Variants in GALNT10 observed in about 807,000 individuals in gnomAD.
The protein encoded by GALNT10 is polypeptide N-acetylgalactosaminyltransferase 10, also known as GalNAc transferase 10.
In GALNT10, 41 loss-of-function variants were observed where a neutral mutation model predicts 75.0. That is an observed-to-expected ratio of 0.55 (90% CI 0.43 to 0.71). The LOEUF (loss-of-function observed/expected upper bound fraction) is 0.71. Among genes scored for constraint, GALNT10 ranks in the 30% least tolerant of loss-of-function variants. The pLI is 0.00. For synonymous variants in GALNT10, 302 were observed against 313.0 expected, an observed-to-expected ratio of 0.96 and a Z score of 0.37; for missense variants, 727 against 818.5, an observed-to-expected ratio of 0.89 and a Z score of 1.36.
rs1036938665 is a variant in GALNT10, at chr5:154,380,459, C to T, written c.766C>T (p.Arg256Trp). 1.9e-5 allele frequency: 30 copies of T among 1,613,402 alleles called. No homozygotes were observed. The highest frequency in any genetic ancestry group is 2.7e-5 in the African/African-American group (2 of 74,896). Residue 256 changes from arginine (R) to tryptophan (W), a missense_variant, in exon 6 of 12, where the codon CGG becomes TGG. Physicochemically the swap from Arg to Trp is moderately radical, Grantham distance 101. Transcript: ENST00000297107. Reference sequence around the variant, plus strand: ...CTTGGCTTCTTCAGACCGCATTGCTCGGAACCGCAAGACCATTGTGTGCCC... The same window carrying T: ...CTTGGCTTCTTCAGACCGCATTGCTTGGAACCGCAAGACCATTGTGTGCCC... Reference protein sequence around the residue: ...WLPPLLDRIARNRKTIVCPMI... With the variant: ...WLPPLLDRIAWNRKTIVCPMI...
chr5:154,302,502 C>A (rs1216855849), intron 3 of GALNT10, among the ~76,000 whole-genome samples: 2 of 152,230 alleles, frequency 1.3e-5, no homozygotes, highest in African/African-American at 4.8e-5. Flanking sequence ...AGCGTGGAGG[C>A]CCCTCCAGAG....
intron 1 of GALNT10, among the ~76,000 whole-genome samples, chr5:154,223,957 A>G (rs1418443394): frequency 1.3e-5 from 2 of 152,116 alleles, no homozygotes; most frequent in African/African-American, 4.8e-5. Flanking sequence ...CAACAGCAGA[A>G]CAATTGGAGG....
intron 3 of GALNT10, among the ~76,000 whole-genome samples, chr5:154,312,013 G>A (rs993136955): frequency 2.0e-5 from 3 of 152,136 alleles, no homozygotes; most frequent in Admixed American, 6.5e-5. Flanking sequence ...ACAACCAGCC[G>A]ACTCCTCTGC....
chr5:154,394,318 TA>T (rs5872377), intron 7 of GALNT10, among the ~76,000 whole-genome samples: 88,665 of 124,884 alleles, frequency 0.71, 30,955 homozygotes, highest in East Asian at 0.82. Context: ...TGAACAGACT[TA>T]AAAAAAAAAA....
rs112401581 is a variant in GALNT10 at position 154,353,230 on chromosome 5, T to G, written c.569-23047T>G. ...GTTCAAGGTGAATTCTGTTTATGTT[T>G]TGGGTTGTGGTGGAGCTAGTGAAGC... On this transcript the variant is annotated intron_variant, in intron 4 of 11. Transcript: ENST00000297107. 6.8e-3 allele frequency among the ~76,000 whole-genome samples: 1,040 copies of G among 152,300 alleles called. 16 individuals carry two copies. The highest frequency in any genetic ancestry group is 0.023 in the African/African-American group (941 of 41,578).
chr5:154,209,162 G>C (rs560660342), intron 1 of GALNT10, among the ~76,000 whole-genome samples: 2 of 152,342 alleles, frequency 1.3e-5, no homozygotes, highest in East Asian at 3.9e-4. Context: ...GAGAAGCTAC[G>C]CGTACTGCAG....
chr5:154,406,658 G>A (rs529784189), intron 8 of GALNT10, among the ~76,000 whole-genome samples: 12 of 152,132 alleles, frequency 7.9e-5, no homozygotes, highest in African/African-American at 1.4e-4. Flanking sequence ...TTAGCCAGGC[G>A]TGGTGGTGTG....
chr5:154,350,900 G>A (rs899398086), intron 4 of GALNT10, among the ~76,000 whole-genome samples: 2 of 152,216 alleles, frequency 1.3e-5, no homozygotes, highest in East Asian at 1.9e-4. Flanking sequence ...GAATCACCAG[G>A]AGGGCTCGTT....
intron 1 of GALNT10, among the ~76,000 whole-genome samples, chr5:154,262,992 C>A (rs531046414): frequency 6.4e-4 from 98 of 152,164 alleles, no homozygotes; most frequent in Non-Finnish European, 1.2e-3. Flanking sequence ...TAGAGACAGA[C>A]AATAACAAGT....
intron 4 of GALNT10, among the ~76,000 whole-genome samples, chr5:154,334,259 C>T (rs1230582903): frequency 6.6e-6 from 1 of 152,244 alleles, no homozygotes; most frequent in Non-Finnish European, 1.5e-5. Flanking sequence ...GAGCTTTGTG[C>T]AGGCAGCATC....
chr5:154,398,663 A>C (rs1446233031), intron 7 of GALNT10, among the ~76,000 whole-genome samples: 1 of 152,144 alleles, frequency 6.6e-6, no homozygotes, highest in Non-Finnish European at 1.5e-5. Context: ...CCCCACAACC[A>C]CATGGAGCAG....
In GALNT10 at chr5:154,388,235, C is replaced by T. The variant is rs182135700; in HGVS notation, c.1056+1805C>T. 6.1e-4 allele frequency: 93 copies of T among 152,272 alleles called. 1 individual carries two copies. Among genetic ancestry groups the T allele is most frequent in the Admixed American group, 2.2e-3 (34 of 15,294 alleles). 9.4% of individuals were successfully genotyped at this position (152,272 alleles called of 1,614,324 possible). A position where few individuals can be genotyped will look rare whatever the true frequency, so the allele number is the denominator to read the frequency against. On this transcript the variant is annotated intron_variant, in intron 7 of 11. Coordinates refer to ENST00000297107, the MANE Select transcript of GALNT10 (RefSeq NM_198321.4). ...CCACCAGAGTTCTGAAGTTGTCTCC[C>T]ATAAGGAGACCAGCCCCCTAAATAA...
chr5:154,216,101 G>A (rs923427177), intron 1 of GALNT10, among the ~76,000 whole-genome samples: 1 of 152,150 alleles, frequency 6.6e-6, no homozygotes, highest in African/African-American at 2.4e-5. Context: ...AGATGTTATG[G>A]TGAGGGAGGA....
intron 6 of GALNT10, among the ~76,000 whole-genome samples, chr5:154,386,083 G>C (rs1408198088): frequency 6.6e-6 from 1 of 152,192 alleles, no homozygotes; most frequent in Non-Finnish European, 1.5e-5. Context: ...GGTGTTAATT[G>C]TGTAAAGGAA....
At chr5:154,212,998 G>A (rs991673943) in intron 1 of GALNT10, among the ~76,000 whole-genome samples, 1 of 151,510 alleles carries the variant, frequency 6.6e-6, no homozygotes, top group African/African-American at 2.4e-5. Context: ...ACAGGCTCCA[G>A]AGTCAGACCT....
At chr5:154,215,208 C>A (rs969988138) in intron 1 of GALNT10, among the ~76,000 whole-genome samples, 1 of 152,288 alleles carries the variant, frequency 6.6e-6, no homozygotes, top group Non-Finnish European at 1.5e-5. Flanking sequence ...CTAGCCTGGG[C>A]GCAGTGGCTC....
intron 3 of GALNT10, among the ~76,000 whole-genome samples, chr5:154,328,640 A>G (rs916001488): frequency 2.0e-5 from 3 of 152,154 alleles, no homozygotes; most frequent in African/African-American, 7.2e-5. Context: ...CCCACAGGTA[A>G]AGGGATTGGT....
chr5:154,412,624 T>A lies in GALNT10; in HGVS notation c.1387-265T>A. 1 of 350,290 alleles carries A rather than the reference T, an allele frequency of 2.9e-6. No individual in the cohort carries two copies. The allele number at this position is 350,290 out of a possible 1,614,324, so 21.7% of individuals were successfully genotyped here. On this transcript the variant is annotated intron_variant, in intron 9 of 11. Transcript: ENST00000297107. The surrounding 1 kb of genome is among the most constrained non-coding windows in gnomAD (Gnocchi z 4.2). ...GGGAGTCCTTTACCAACTCCTCACC[T>A]CCACTCCCCCACCACCAACCCAGGA...
intron 3 of GALNT10, among the ~76,000 whole-genome samples, chr5:154,319,690 T>C (rs1427434880): frequency 6.6e-6 from 1 of 152,244 alleles, no homozygotes; most frequent in African/African-American, 2.4e-5. Flanking sequence ...ATGGGAGCAG[T>C]GCCCTAGGCC....
Sources: gnomAD v4.1 joint callset for allele counts (sites outside exome capture counted in the v4.1 genomes callset) on GRCh38, gnomAD v4.1.1 for gene constraint, Gnocchi (gnomAD v3.1) non-coding constraint, MANE v1.5 for transcripts, NCBI Gene and HGNC (gene_info 2026-07-23, HGNC 2026-07-21) for gene names.